Variants in RAD52 observed in about 807,000 individuals in gnomAD.
RAD52 encodes RAD52 DNA repair protein.
RAD52 carries 47 observed loss-of-function variants against 55.5 expected under a neutral mutation model. The ratio of observed to expected loss-of-function variants is 0.85; its 90% confidence interval spans 0.67 to 1.08. RAD52 has a LOEUF of 1.08. Among genes scored for constraint, RAD52 ranks in the 50% least tolerant of loss-of-function variants. RAD52 has a pLI of 0.00. For missense variants in RAD52, 468 were observed against 522.8 expected, an observed-to-expected ratio of 0.90 and a Z score of 1.02; for synonymous variants, 184 against 198.9, an observed-to-expected ratio of 0.92 and a Z score of 0.63.
At chr12:946,997 G>C (rs1294953963) in intron 1 of RAD52, among the ~76,000 whole-genome samples, 2 of 152,160 alleles carry the variant, frequency 1.3e-5, no homozygotes, top group African/African-American at 4.8e-5. Context: ...ATAATTAACG[G>C]CCTGGTAAGT....
intron 1 of RAD52, among the ~76,000 whole-genome samples, chr12:943,529 A>G (rs1027140964): frequency 2.6e-5 from 4 of 152,130 alleles, no homozygotes; most frequent in African/African-American, 9.7e-5. Flanking sequence ...TTGTATTTTT[A>G]GTAGAGATGG....
chr12:916,200 T>C (rs1000332128), intron 9 of RAD52, 144 bp downstream of exon 9: 1 of 1,431,224 alleles, frequency 7.0e-7, no homozygotes, highest in Admixed American at 2.9e-5. Context: ...CCTGGGCTCA[T>C]CTCTCCTGCG....
chr12:969,182 A>G (rs1389570647), intron 1 of RAD52, among the ~76,000 whole-genome samples: 2 of 152,074 alleles, frequency 1.3e-5, no homozygotes, highest in Admixed American at 1.3e-4. Flanking sequence ...ATGCCATTTC[A>G]TATCAGCAAC....
At chr12:984,102 T>C (rs1959055331) in intron 1 of RAD52, among the ~76,000 whole-genome samples, 1 of 152,212 alleles carries the variant, frequency 6.6e-6, no homozygotes, top group African/African-American at 2.4e-5. Flanking sequence ...CCAGAAATGT[T>C]TCTTCTTCCC....
rs894872245 is a variant in RAD52, at chr12:978,665, T to G, written c.-19+11144A>C. On this transcript the variant is annotated intron_variant, in intron 1 of 11. Coordinates refer to the RAD52 transcript ENST00000430095. ...AAATACAAAAGAAATTAGCTGGGCA[T>G]GGCGGCGTGCACCTGTAGTCCCAGC... Among the ~76,000 whole-genome samples the G allele has an allele frequency of 7.2e-5, 11 of 152,072 alleles. No homozygotes were observed. In the South Asian group the frequency reaches 1.2e-3, roughly 17 times the overall value.
chr12:965,790 A>AT (rs1337220676), intron 1 of RAD52, among the ~76,000 whole-genome samples: 3 of 151,266 alleles, frequency 2.0e-5, no homozygotes, highest in African/African-American at 7.3e-5. Flanking sequence ...GGTTCAAGTG[A>AT]TTTTTCATGC....
chr12:921,686 T>A (rs1425195447), intron 7 of RAD52, among the ~76,000 whole-genome samples: 1 of 151,650 alleles, frequency 6.6e-6, no homozygotes, highest in African/African-American at 2.4e-5. Context: ...CGAGATCTTG[T>A]CATGAGATGA....
chr12:914,173 CAGAA>C (rs1956235751), intron 10 of RAD52, 52 bp from the exon 11 acceptor site: 2 of 1,531,598 alleles, frequency 1.3e-6, no homozygotes, highest in Non-Finnish European at 1.8e-6. Flanking sequence ...AGTATTCTCA[CAGAA>C]AGCACTGGAA....
chr12:971,792 G>A (rs938518636), intron 1 of RAD52, among the ~76,000 whole-genome samples: 7 of 151,852 alleles, frequency 4.6e-5, no homozygotes, highest in Admixed American at 2.0e-4. Flanking sequence ...CTGTCGCCCA[G>A]GCTGGAGTGC....
At chr12:916,032 A>C (rs1164085386) in intron 9 of RAD52, among the ~76,000 whole-genome samples, 1 of 152,198 alleles carries the variant, frequency 6.6e-6, no homozygotes, top group Non-Finnish European at 1.5e-5. Context: ...TTTCTAATGT[A>C]GAGATGGCCA....
intron 1 of RAD52, among the ~76,000 whole-genome samples, chr12:965,127 G>C (rs1050671981): frequency 6.6e-6 from 1 of 151,632 alleles, no homozygotes; most frequent in African/African-American, 2.4e-5. Flanking sequence ...GTACAGGTGC[G>C]CACCACCACG....
chr12:970,093 A>C (rs991714850), intron 1 of RAD52, among the ~76,000 whole-genome samples: 1 of 151,668 alleles, frequency 6.6e-6, no homozygotes, highest in Non-Finnish European at 1.5e-5. Flanking sequence ...GGATCACCTG[A>C]GGTCAGGAGT....
chr12:958,042 G>A (rs961983867), intron 1 of RAD52, among the ~76,000 whole-genome samples: 4 of 152,146 alleles, frequency 2.6e-5, no homozygotes, highest in Non-Finnish European at 4.4e-5. Context: ...GCTCACTCGC[G>A]TGGCCAGCAA....
chr12:927,315 A>C, intron 5 of RAD52, 52 bp from the exon 6 acceptor site: 1 of 1,306,502 alleles, frequency 7.7e-7, no homozygotes, highest in Non-Finnish European at 1.1e-6. Flanking sequence ...CAGGCGTGCC[A>C]CAACTCCCCT....
chr12:955,932 C>T (rs2154120361), intron 1 of RAD52, among the ~76,000 whole-genome samples: 1 of 114,766 alleles, frequency 8.7e-6, no homozygotes, highest in South Asian at 3.6e-4. Flanking sequence ...AGGCATGCGC[C>T]ACCATGCCCG....
chr12:955,467 TC>T (rs1813024705), intron 1 of RAD52, among the ~76,000 whole-genome samples: 4 of 148,710 alleles, frequency 2.7e-5, no homozygotes, highest in Non-Finnish European at 5.9e-5. Flanking sequence ...GTACTGTTCT[TC>T]TTCTTCTTTC....
At chr12:927,388 C>G (rs942420556) in intron 5 of RAD52, 125 bp from the exon 6 acceptor site, 2 of 723,556 alleles carry the variant, frequency 2.8e-6, no homozygotes, top group African/African-American at 3.5e-5. Flanking sequence ...TACAGGGGCA[C>G]GGGCAGAAGG....
Position 934,148 on chromosome 12 carries a change from G to A in RAD52, c.-18-1072C>T, listed in dbSNP as rs1411680614. Among the ~76,000 whole-genome samples the A allele has an allele frequency of 5.3e-5, 8 of 149,982 alleles. No homozygotes were observed. The Admixed American group carries it at 5.4e-4, about 10-fold the overall frequency. On this transcript the variant is annotated intron_variant, in intron 1 of 11. Coordinates refer to ENST00000358495, the MANE Select transcript of RAD52 (RefSeq NM_134424.4). Reference sequence around the variant, plus strand: ...AAAAAAGGCAGGCACACAACACACAGTTTATTCAGCTTCTCCAAGAGAAAA... The same window carrying A: ...AAAAAAGGCAGGCACACAACACACAATTTATTCAGCTTCTCCAAGAGAAAA...
chr12:989,758 GGAGAAT>G (rs1959156818), intron 1 of RAD52: 2 of 152,144 alleles, frequency 1.3e-5, no homozygotes, highest in Admixed American at 6.6e-5. Flanking sequence ...GTAGACAGTG[GGAGAAT>G]GAGAACAGAA....
Sources: allele counts gnomAD v4.1 joint callset (sites outside exome capture counted in the v4.1 genomes callset), GRCh38; gene constraint gnomAD v4.1.1; transcripts MANE v1.5; gene names NCBI Gene and HGNC (gene_info 2026-07-23, HGNC 2026-07-21).